Variants in RASA3 observed in about 807,000 individuals in gnomAD.
RASA3 encodes the protein ras GTPase-activating protein 3.
In RASA3, 73 loss-of-function variants were observed where a neutral mutation model predicts 110.0. The ratio of observed to expected loss-of-function variants is 0.66; its 90% CI spans 0.55 to 0.81. RASA3 has a LOEUF of 0.81. Among genes scored for constraint, RASA3 ranks in the 30% least tolerant of loss-of-function variants. The probability of loss-of-function intolerance (pLI) is 0.00; values close to 1 mark genes in which losing one functional copy is unlikely to be tolerated. For synonymous variants in RASA3, 500 were observed against 451.4 expected (o/e 1.11, Z -1.37); for missense variants, 976 against 1,113.2 (o/e 0.88, Z 1.75).
chr13:114,042,970 T>C (rs976161419), intron 3 of RASA3, among the ~76,000 whole-genome samples: 2 of 152,142 alleles, frequency 1.3e-5, no homozygotes, highest in Non-Finnish European at 2.9e-5. Flanking sequence ...TTCCTTCCTA[T>C]GTTGGCGTCC....
At chr13:114,068,220 G>C (rs1468345169) in intron 2 of RASA3, among the ~76,000 whole-genome samples, 1 of 152,170 alleles carries the variant, frequency 6.6e-6, no homozygotes, top group Non-Finnish European at 1.5e-5. Context: ...TCCACAGAAA[G>C]GGGGGGCCAG....
At chr13:114,101,418 G>C (rs1337958914) in intron 1 of RASA3, among the ~76,000 whole-genome samples, 4 of 152,176 alleles carry the variant, frequency 2.6e-5, no homozygotes, top group Non-Finnish European at 4.4e-5. Flanking sequence ...GAGGCAGGAG[G>C]AACCCCTCAG....
intron 18 of RASA3, among the ~76,000 whole-genome samples, chr13:114,004,960 G>A (rs1376310025): frequency 1.3e-5 from 2 of 152,214 alleles, no homozygotes; most frequent in African/African-American, 4.8e-5. Context: ...GAAATCTTAT[G>A]TTTTCCAGCA....
At chr13:114,102,186 G>C (rs1403238006) in intron 1 of RASA3, among the ~76,000 whole-genome samples, 1 of 152,168 alleles carries the variant, frequency 6.6e-6, no homozygotes, top group Non-Finnish European at 1.5e-5. Flanking sequence ...AGAGAGACGG[G>C]GGCTGTGAAG....
intron 1 of RASA3, among the ~76,000 whole-genome samples, chr13:114,077,220 AAGAC>A (rs2079699169): frequency 6.6e-6 from 1 of 152,180 alleles, no homozygotes; most frequent in Non-Finnish European, 1.5e-5. Context: ...GAGTCCCTGT[AAGAC>A]AGACGCCGTA....
chr13:114,098,229 G>A (rs1271629574), intron 1 of RASA3, among the ~76,000 whole-genome samples: 1 of 152,170 alleles, frequency 6.6e-6, no homozygotes, highest in Non-Finnish European at 1.5e-5. Flanking sequence ...GCCAGGCCCA[G>A]CCAAGACAGC....
chr13:114,128,369 G>A (rs769144956), intron 1 of RASA3, among the ~76,000 whole-genome samples: 26 of 152,244 alleles, frequency 1.7e-4, no homozygotes, highest in Admixed American at 8.5e-4. Context: ...ACAGCCCTGT[G>A]ACCAGCGGCC....
At position 113,979,336 on chromosome 13, in the gene RASA3, T is replaced by G; in HGVS notation, c.*11A>C. 6.3e-7 allele frequency: 1 copy of G among 1,578,146 alleles called. No individual in the cohort carries two copies. The highest frequency in any genetic ancestry group is 1.3e-5 in the African/African-American group (1 of 74,210). ...CAGCTTGCTGGCGCCACTGGGCGCG[T>G]CCCGCAGACTTTAAATGGAATGAGT... On this transcript the variant is annotated 3_prime_UTR_variant, in exon 24 of 24. Transcript: ENST00000334062.
At chr13:114,068,027 T>C (rs1383773131) in intron 2 of RASA3, among the ~76,000 whole-genome samples, 1 of 152,270 alleles carries the variant, frequency 6.6e-6, no homozygotes, top group Non-Finnish European at 1.5e-5. Context: ...GAACTTTTCC[T>C]ACAGACACAG....
intron 1 of RASA3, among the ~76,000 whole-genome samples, chr13:114,120,721 G>A (rs1254328323): frequency 2.0e-5 from 3 of 152,244 alleles, no homozygotes; most frequent in African/African-American, 4.8e-5. Flanking sequence ...CAGATAACAC[G>A]GAAAGGGACT....
chr13:114,132,375 C>A, intron 1 of RASA3, 60 bp downstream of exon 1: 3 of 1,420,326 alleles, frequency 2.1e-6, no homozygotes, highest in South Asian at 1.4e-5. Context: ...GGGAGGCGGG[C>A]GCGGGAGAGG....
intron 1 of RASA3, among the ~76,000 whole-genome samples, chr13:114,076,206 C>T (rs2079679344): frequency 6.6e-6 from 1 of 152,166 alleles, no homozygotes; most frequent in African/African-American, 2.4e-5. Flanking sequence ...GGCTCTGAGA[C>T]GCCTCTAATT....
intron 3 of RASA3, among the ~76,000 whole-genome samples, chr13:114,041,306 G>A (rs1458279184): frequency 6.6e-6 from 1 of 152,260 alleles, no homozygotes; most frequent in African/African-American, 2.4e-5. Context: ...GCGATATGGT[G>A]AAAACTTGTC....
chr13:114,034,784 A>G (rs561168124), intron 4 of RASA3, among the ~76,000 whole-genome samples: 27 of 152,366 alleles, frequency 1.8e-4, no homozygotes, highest in African/African-American at 4.8e-4. Flanking sequence ...ATAAACAGAA[A>G]TGAAAGTGTT....
chr13:114,027,574 T>C, intron 6 of RASA3, 113 bp from the exon 7 acceptor site: 1 of 851,520 alleles, frequency 1.2e-6, no homozygotes, highest in Non-Finnish European at 1.9e-6. Context: ...TTATTTATTT[T>C]ATAAATATTT....
chr13:113,979,816 G>C (rs569945470), intron 23 of RASA3, among the ~76,000 whole-genome samples: 1 of 152,112 alleles, frequency 6.6e-6, no homozygotes, highest in Non-Finnish European at 1.5e-5. Context: ...CTCAGCAGGC[G>C]TGGGCACCTC....
At chr13:114,024,678 G>A (rs1208704746) in intron 7 of RASA3, among the ~76,000 whole-genome samples, 13 of 152,218 alleles carry the variant, frequency 8.5e-5, no homozygotes, top group Admixed American at 8.5e-4. Context: ...CGCCTGCTCT[G>A]GGCCTGCCAC....
chr13:114,057,091 G>C lies in RASA3; in HGVS notation c.174-4936C>G, dbSNP rs1265753532. 6.2e-6 allele frequency: 4 copies of C among 646,358 alleles called. No individual in the cohort carries two copies. The highest frequency in any genetic ancestry group is 7.9e-4 in the Middle Eastern group (1 of 1,264). The allele number at this position is 646,358 out of a possible 1,614,324, so 40.0% of individuals were successfully genotyped here. ...TTTGCAGCTGAGAACCCTGGAGCCA[G>C]AACAGGCTCCAGCACAGGCGATGGG... On this transcript the variant is annotated intron_variant, in intron 2 of 23. Coordinates refer to ENST00000334062, the MANE Select transcript of RASA3 (RefSeq NM_007368.4). The surrounding 1 kb of genome is among the most constrained non-coding windows in gnomAD (Gnocchi z 5.0).
At chr13:114,105,645 C>G (rs889311519) in intron 1 of RASA3, among the ~76,000 whole-genome samples, 11 of 152,358 alleles carry the variant, frequency 7.2e-5, no homozygotes, top group Admixed American at 3.3e-4. Context: ...TTCACCCAGC[C>G]TGAGGCTGGA....
Sources: allele counts gnomAD v4.1 joint callset (sites outside exome capture counted in the v4.1 genomes callset), GRCh38; gene constraint gnomAD v4.1.1; non-coding constraint Gnocchi (gnomAD v3.1); transcripts MANE v1.5; gene names NCBI Gene and HGNC (gene_info 2026-07-23, HGNC 2026-07-21).